FYCO1: variants seen among roughly 807,000 people sequenced by gnomAD.
The protein encoded by FYCO1 is FYVE and coiled-coil domain-containing protein 1.
FYCO1 carries 122 observed loss-of-function variants against 165.1 expected under a neutral mutation model. The ratio of observed to expected loss-of-function variants is 0.74; its 90% CI spans 0.64 to 0.86. FYCO1 has a LOEUF of 0.86. Among genes scored for constraint, FYCO1 ranks in the 40% least tolerant of loss-of-function variants. The pLI, the probability that FYCO1 is intolerant of heterozygous loss-of-function variation, is 0.00. For missense variants in FYCO1, 1,702 were observed against 1,810.3 expected, an observed-to-expected ratio of 0.94 and a Z score of 1.09; for synonymous variants, 648 against 742.5, an observed-to-expected ratio of 0.87 and a Z score of 2.07.
chr3:45,930,711 C>A (rs959024305), intron 16 of FYCO1, among the ~76,000 whole-genome samples: 1 of 152,216 alleles, frequency 6.6e-6, no homozygotes, highest in African/African-American at 2.4e-5. Flanking sequence ...GAGGTCACCA[C>A]CTCCCAAGGT....
intron 17 of FYCO1, among the ~76,000 whole-genome samples, chr3:45,922,084 G>A (rs1246110098): frequency 3.3e-5 from 5 of 152,230 alleles, no homozygotes; most frequent in Non-Finnish European, 7.3e-5. Context: ...ATCACAGGCT[G>A]TGAATATCAC....
intron 1 of FYCO1, among the ~76,000 whole-genome samples, chr3:45,989,254 T>C (rs915319829): frequency 6.6e-6 from 1 of 152,148 alleles, no homozygotes; most frequent in South Asian, 2.1e-4. Flanking sequence ...CAAGAAAGAA[T>C]GTTAAGGACA....
rs557982003 is a variant in FYCO1, at chr3:45,967,717, G to A, written c.1617C>T (p.Leu539=). The A allele has an allele frequency of 6.2e-7, 1 of 1,613,344 alleles. No individual in the cohort carries two copies. Among genetic ancestry groups the A allele is most frequent in the South Asian group, 1.1e-5 (1 of 91,080 alleles). The stretch of plus-strand genomic sequence containing the variant: ...GGCTGAGGTGGTCTTTGTCCTGAAT[G>A]AGCTGCTTCTTCTGCTCCTCCAGGT... ...VSDLEEQKKQ[L]IQDKDHLSQQ... The change falls in exon 8 of 18, where the codon CTC becomes CTT. Residue 539 remains leucine, a synonymous_variant. Transcript: ENST00000296137.
At chr3:45,946,783 T>C (rs1191677924) in intron 14 of FYCO1, 16 of 1,613,372 alleles carry the variant, frequency 9.9e-6, no homozygotes, top group Non-Finnish European at 1.3e-5. Flanking sequence ...GGCCAGGTCA[T>C]GTGCAAGAGC....
Position 45,955,285 on chromosome 3 carries a change from G to C in FYCO1, c.3908C>G (p.Thr1303Ser), listed in dbSNP as rs772791978. 44 of 1,614,042 alleles carry C rather than the reference G, an allele frequency of 2.7e-5. No homozygotes were observed. In the Admixed American group the frequency reaches 7.2e-4, roughly 26 times the overall value. The change falls in exon 14 of 18, where the codon ACT (threonine) becomes AGT (serine). Residue 1303 changes from threonine to serine, a missense_variant. Thr to Ser is a moderately conservative substitution (Grantham distance 58, BLOSUM62 1). Transcript: ENST00000296137. The stretch of plus-strand genomic sequence containing the variant: ...ATTTGGGTCGAGAGAATCAGTTTCA[G>C]TGGGTGTTTCAGGCAAAGAGGAGCC... Reference protein sequence around the residue: ...ESGSSLPETPTETDSLDPNAA... With the variant: ...ESGSSLPETPSETDSLDPNAA...
chr3:45,992,790 G>A (rs1707621517), intron 1 of FYCO1, among the ~76,000 whole-genome samples: 1 of 152,162 alleles, frequency 6.6e-6, no homozygotes, highest in Admixed American at 6.5e-5. Flanking sequence ...CCTGGAAAAA[G>A]CATCTGGGGC....
chr3:45,928,669 T>G (rs114638843), intron 16 of FYCO1, among the ~76,000 whole-genome samples: 1,728 of 152,256 alleles, frequency 0.011, 32 homozygotes, highest in African/African-American at 0.036. Flanking sequence ...ACAATGCTGC[T>G]TCTGGTTTCC....
chr3:45,982,352 T>C (rs551885128), intron 2 of FYCO1, among the ~76,000 whole-genome samples: 6 of 152,286 alleles, frequency 3.9e-5, no homozygotes, highest in Admixed American at 1.3e-4. Context: ...AAGTCTGCTA[T>C]GATTATCCCC....
At chr3:45,927,023 G>A (rs1195333673) in intron 16 of FYCO1, among the ~76,000 whole-genome samples, 1 of 151,862 alleles carries the variant, frequency 6.6e-6, no homozygotes, top group Non-Finnish European at 1.5e-5. Flanking sequence ...CTTTTCAAGT[G>A]CACTCGGCAC....
intron 1 of FYCO1, 113 bp downstream of exon 1, chr3:45,995,609 G>T (rs572244536): frequency 6.5e-6 from 1 of 152,790 alleles, no homozygotes; most frequent in African/African-American, 2.4e-5. Flanking sequence ...TGGGATGGGC[G>T]GGGACTGTAA....
intron 4 of FYCO1, 147 bp downstream of exon 4, chr3:45,979,558 G>A: frequency 1.1e-6 from 1 of 910,424 alleles, no homozygotes; most frequent in Non-Finnish European, 1.8e-6. Flanking sequence ...CTGCAACAAT[G>A]GGCATTGCGT....
intron 13 of FYCO1, among the ~76,000 whole-genome samples, 175 bp from the exon 14 acceptor site, chr3:45,955,568 G>T (rs1705261667): frequency 1.3e-5 from 2 of 152,196 alleles, no homozygotes; most frequent in South Asian, 2.1e-4. Flanking sequence ...AGAAATGGTT[G>T]GTTGCTGGAA....
At position 45,968,628 on chromosome 3, in the gene FYCO1, G is replaced by A. The variant is rs768271085; in HGVS notation, c.706C>T (p.Arg236Ter). 67 of 1,613,948 alleles carry A rather than the reference G, an allele frequency of 4.2e-5. No homozygotes were observed. The highest frequency in any genetic ancestry group is 5.4e-5 in the Non-Finnish European group (64 of 1,180,044). Reference protein sequence around the residue: ...NEALEGFDEMRLELDQLEVRE... With the variant: ...NEALEGFDEM ...ACCTCCAACTGGTCCAGCTCTAGTC[G>A]CATCTCATCAAAGCCCTCCAATGCC... Residue 236 changes from arginine to a stop codon, truncating the protein, a stop_gained, in exon 8 of 18, where the codon CGA becomes TGA. Transcript: ENST00000296137. LOFTEE classifies it high-confidence loss of function.
intron 2 of FYCO1, among the ~76,000 whole-genome samples, chr3:45,982,242 G>T (rs1359747754): frequency 2.0e-5 from 3 of 152,064 alleles, no homozygotes; most frequent in Admixed American, 2.0e-4. Context: ...GGCAGGGATT[G>T]CCTTATTTCG....
intron 14 of FYCO1, among the ~76,000 whole-genome samples, chr3:45,948,941 C>G (rs1704816762): frequency 6.6e-6 from 1 of 152,214 alleles, no homozygotes; most frequent in African/African-American, 2.4e-5. Flanking sequence ...ATGTAAAACA[C>G]TTGGCACAGT....
chr3:45,922,315 A>G (rs901151466), intron 17 of FYCO1, among the ~76,000 whole-genome samples: 1 of 152,256 alleles, frequency 6.6e-6, no homozygotes, highest in African/African-American at 2.4e-5. Flanking sequence ...TCACAGCACC[A>G]TGGCCACCTC....
chr3:45,951,321 G>A (rs1166837339), intron 14 of FYCO1, among the ~76,000 whole-genome samples: 4 of 152,142 alleles, frequency 2.6e-5, no homozygotes, highest in African/African-American at 9.7e-5. Flanking sequence ...CAGTCTCTTC[G>A]GTATAGAGGA....
intron 2 of FYCO1, among the ~76,000 whole-genome samples, chr3:45,983,592 G>A (rs1316509885): frequency 1.3e-5 from 2 of 152,134 alleles, no homozygotes; most frequent in Non-Finnish European, 2.9e-5. Context: ...CTCCCAATAA[G>A]GACCTCCAGG....
At chr3:45,970,295 C>T (rs775862900) in intron 6 of FYCO1, among the ~76,000 whole-genome samples, 8 of 152,212 alleles carry the variant, frequency 5.3e-5, no homozygotes, top group Non-Finnish European at 1.2e-4. Flanking sequence ...TGATAACTCT[C>T]GTTTAGCAGG....
Sources: gnomAD v4.1 joint callset for allele counts (sites outside exome capture counted in the v4.1 genomes callset) on GRCh38, gnomAD v4.1.1 for gene constraint, MANE v1.5 for transcripts, NCBI Gene and HGNC (gene_info 2026-07-23, HGNC 2026-07-21) for gene names.